Variants in METAP1D observed in about 807,000 individuals in gnomAD.
METAP1D encodes the protein methionine aminopeptidase 1D, mitochondrial.
A neutral mutation model predicts 40.5 loss-of-function variants in METAP1D; 31 were observed. That is an observed-to-expected ratio of 0.77 (90% confidence interval 0.58 to 1.03). METAP1D has a LOEUF of 1.03. Among genes scored for constraint, METAP1D ranks in the 50% least tolerant of loss-of-function variants. The probability of loss-of-function intolerance (pLI) is 0.00; values close to 1 mark genes in which losing one functional copy is unlikely to be tolerated. For missense variants in METAP1D, 411 were observed against 420.7 expected (o/e 0.98, Z 0.20); for synonymous variants, 151 against 146.4 (o/e 1.03, Z -0.22).
intron 1 of METAP1D, among the ~76,000 whole-genome samples, chr2:172,045,823 A>G (rs1176058828): frequency 7.8e-4 from 35 of 45,020 alleles, no homozygotes; most frequent in African/African-American, 2.6e-3. Context: ...GTGTGTGTAT[A>G]TATATATATA....
In METAP1D at chr2:172,080,316, G is replaced by T. The variant is rs963114408; in HGVS notation, c.930-12G>T. ...TGCGTGCGCGTTCTGACGGCTGGGT[G>T]CTGTGTTACAGGTCGGCGCAGTTCG... is the stretch of plus-strand genomic sequence containing the variant. On this transcript the variant is annotated splice_polypyrimidine_tract_variant and intron_variant, in intron 9 of 9. Coordinates refer to ENST00000315796, the MANE Select transcript of METAP1D (RefSeq NM_199227.3). The T allele has an allele frequency of 1.9e-6, 3 of 1,614,196 alleles. No homozygotes were observed. In the East Asian group the frequency reaches 6.7e-5, roughly 36 times the overall value.
chr2:172,071,707 T>C (rs1369662906), intron 6 of METAP1D, among the ~76,000 whole-genome samples: 1 of 152,212 alleles, frequency 6.6e-6, no homozygotes, highest in African/African-American at 2.4e-5. Flanking sequence ...GTTACCTACT[T>C]TTAGGTCTTT....
At chr2:172,008,448 A>G (rs1688639019) in intron 1 of METAP1D, among the ~76,000 whole-genome samples, 1 of 152,180 alleles carries the variant, frequency 6.6e-6, no homozygotes, top group Non-Finnish European at 1.5e-5. Flanking sequence ...CTTATTTATC[A>G]GTTTTTAAAA....
At chr2:172,043,674 C>T (rs1689671363) in intron 1 of METAP1D, among the ~76,000 whole-genome samples, 1 of 132,676 alleles carries the variant, frequency 7.5e-6, no homozygotes, top group African/African-American at 2.6e-5. Context: ...TAAAAAAAAC[C>T]AAGGATAGAC....
chr2:172,045,805 G>GTATA (rs1689736309), intron 1 of METAP1D, among the ~76,000 whole-genome samples: 1 of 29,802 alleles, frequency 3.4e-5, no homozygotes, highest in African/African-American at 9.9e-5. Flanking sequence ...ATATGTGTGT[G>GTATA]TGTGTGTGTG....
intron 6 of METAP1D, among the ~76,000 whole-genome samples, chr2:172,077,545 G>C (rs375765474): frequency 2.6e-5 from 4 of 151,280 alleles, no homozygotes; most frequent in African/African-American, 9.7e-5. Flanking sequence ...CTGTACAAAG[G>C]TAAATGACTC....
At chr2:172,005,481 C>G (rs1191088345) in intron 1 of METAP1D, among the ~76,000 whole-genome samples, 1 of 133,862 alleles carries the variant, frequency 7.5e-6, no homozygotes, top group Non-Finnish European at 1.6e-5. Context: ...TTATTTTGTT[C>G]CTTTTTATGT....
At chr2:172,016,300 A>AAT (rs1188835723) in intron 1 of METAP1D, among the ~76,000 whole-genome samples, 1,145 of 39,960 alleles carry the variant, frequency 0.029, 41 homozygotes, top group African/African-American at 0.031. Context: ...AAAAAAAAAA[A>AAT]ATATATATAT....
intron 1 of METAP1D, among the ~76,000 whole-genome samples, chr2:172,044,408 A>AAAAAAAAAAAAAAAAC (rs2105446160): frequency 4.2e-5 from 1 of 24,072 alleles, no homozygotes; most frequent in Non-Finnish European, 7.2e-5. Flanking sequence ...AAAATACAAA[A>AAAAAAAAAAAAAAAAC]AAAAAAAAAA....
chr2:172,021,862 C>A (rs1689015225), intron 1 of METAP1D: 1 of 152,196 alleles, frequency 6.6e-6, no homozygotes, highest in Non-Finnish European at 1.5e-5. Context: ...CAGTATTGAA[C>A]TGCAAGTATG....
intron 6 of METAP1D, among the ~76,000 whole-genome samples, chr2:172,072,141 G>A (rs1306323051): frequency 6.6e-6 from 1 of 152,108 alleles, no homozygotes; most frequent in Non-Finnish European, 1.5e-5. Context: ...TCTTTCATAG[G>A]AAATGTTGAA....
intron 1 of METAP1D, among the ~76,000 whole-genome samples, chr2:172,004,854 A>C (rs886843553): frequency 6.6e-6 from 1 of 152,168 alleles, no homozygotes; most frequent in Admixed American, 6.5e-5. Flanking sequence ...CTTGGCTCTA[A>C]AGTGCTCCTA....
In METAP1D at chr2:172,079,692, G is replaced by A. The variant is rs181885532; in HGVS notation, c.850+430G>A. Among the ~76,000 whole-genome samples, 148 of 152,186 alleles carry A rather than the reference G, an allele frequency of 9.7e-4. 1 individual carries two copies. Among genetic ancestry groups the A allele is most frequent in the East Asian group, 6.4e-3 (33 of 5,188 alleles). On this transcript the variant is annotated intron_variant, in intron 8 of 9. Coordinates refer to ENST00000315796, the MANE Select transcript of METAP1D (RefSeq NM_199227.3). ...TAAAGACATCCTGTTTCTGACTGTG[G>A]GACTTAATGGAGAAGCAATTAGAGT...
chr2:172,041,804 GTT>G (rs201757401), intron 1 of METAP1D, among the ~76,000 whole-genome samples: 6 of 61,518 alleles, frequency 9.8e-5, no homozygotes, highest in East Asian at 2.6e-4. Flanking sequence ...TATATATATA[GTT>G]TTTTTTTTTT....
chr2:172,045,389 G>A (rs1388460623), intron 1 of METAP1D, among the ~76,000 whole-genome samples: 1 of 132,674 alleles, frequency 7.5e-6, no homozygotes, highest in African/African-American at 2.5e-5. Context: ...AGCCGGGCGC[G>A]GTGGCTCACC....
chr2:172,069,322 A>G (rs1690367071), intron 5 of METAP1D, among the ~76,000 whole-genome samples: 1 of 152,160 alleles, frequency 6.6e-6, no homozygotes, highest in Non-Finnish European at 1.5e-5. Context: ...TCATTTATAC[A>G]TTTTCTTGAC....
At chr2:172,009,988 T>C (rs527950206) in intron 1 of METAP1D, among the ~76,000 whole-genome samples, 3 of 151,304 alleles carry the variant, frequency 2.0e-5, no homozygotes, top group Non-Finnish European at 4.4e-5. Context: ...GGGAAAAGAG[T>C]CTCTAAGATG....
chr2:172,011,292 T>A (rs1342219604), intron 1 of METAP1D, among the ~76,000 whole-genome samples: 1 of 151,122 alleles, frequency 6.6e-6, no homozygotes, highest in Non-Finnish European at 1.5e-5. Flanking sequence ...TTTCTTTTTT[T>A]TTTTTTTTTG....
chr2:172,011,529 C>T (rs1688722424), intron 1 of METAP1D, among the ~76,000 whole-genome samples: 1 of 152,222 alleles, frequency 6.6e-6, no homozygotes, highest in South Asian at 2.1e-4. Context: ...CGTGATCCTC[C>T]TGCCTTGGCC....
Sources: allele counts gnomAD v4.1 joint callset (sites outside exome capture counted in the v4.1 genomes callset), GRCh38; gene constraint gnomAD v4.1.1; transcripts MANE v1.5; gene names NCBI Gene and HGNC (gene_info 2026-07-23, HGNC 2026-07-21).